Variants in GPHN observed in about 807,000 individuals in gnomAD.
GPHN encodes the protein gephyrin.
In GPHN, 17 loss-of-function variants were observed where a neutral mutation model predicts 95.5. The ratio of observed to expected loss-of-function variants is 0.18; its 90% CI spans 0.12 to 0.27. The LOEUF (loss-of-function observed/expected upper bound fraction) is 0.27, where lower values mean the gene tolerates loss of function less well. Among genes scored for constraint, GPHN ranks in the 10% least tolerant of loss-of-function variants. The pLI is 1.00. For missense variants in GPHN, 660 were observed against 978.1 expected (o/e 0.67, Z 4.34); for synonymous variants, 320 against 322.5 (o/e 0.99, Z 0.08).
chr14:66,575,002 A>G lies in GPHN; in HGVS notation c.64+66411A>G, dbSNP rs187190928. ...AGGATTTTTCAGCCTCCATAATTAC[A>G]TGAGCCAATTGCCTTAATAAATCTC... On this transcript the variant is annotated intron_variant, in intron 1 of 22. Coordinates refer to ENST00000478722, the MANE Select transcript of GPHN (RefSeq NM_020806.5). Among the ~76,000 whole-genome samples, 24 of 152,304 alleles carry G rather than the reference A, an allele frequency of 1.6e-4. No homozygotes were observed. In the East Asian group the frequency reaches 3.1e-3, roughly 20 times the overall value.
At chr14:67,643,593 G>A in the GPHN span, among the ~76,000 whole-genome samples, 1 of 152,218 alleles carries the variant, frequency 6.6e-6, no homozygotes, top group Non-Finnish European at 1.5e-5. Flanking sequence ...GGAGGCCAAG[G>A]TGGGAGGATT....
the GPHN span, chr14:67,589,526 T>G: frequency 1.0e-6 from 1 of 985,080 alleles, no homozygotes; most frequent in Admixed American, 6.2e-5. Flanking sequence ...CAGCTATCTG[T>G]GAACCAGGTA....
At chr14:66,996,385 T>G (rs1201904510) in intron 9 of GPHN, among the ~76,000 whole-genome samples, 1 of 152,170 alleles carries the variant, frequency 6.6e-6, no homozygotes, top group Non-Finnish European at 1.5e-5. Context: ...AGGGGGAAAT[T>G]TCTCTATTTT....
At chr14:66,649,498 C>T (rs1241170739) in intron 1 of GPHN, among the ~76,000 whole-genome samples, 1 of 152,132 alleles carries the variant, frequency 6.6e-6, no homozygotes, top group African/African-American at 2.4e-5. Flanking sequence ...CTCACATTAG[C>T]ACCTGAGCCC....
intron 1 of GPHN, among the ~76,000 whole-genome samples, chr14:66,530,103 C>T (rs559130401): frequency 6.6e-6 from 1 of 152,292 alleles, no homozygotes; most frequent in East Asian, 1.9e-4. Context: ...TATCTATAAG[C>T]CCCTGACTGG....
chr14:67,563,121 C>T, the GPHN span, among the ~76,000 whole-genome samples: 1 of 152,210 alleles, frequency 6.6e-6, no homozygotes, highest in African/African-American at 2.4e-5. Flanking sequence ...GAGTGCTCAC[C>T]GTGCACCATA....
chr14:66,527,574 T>C lies in GPHN; in HGVS notation c.64+18983T>C, dbSNP rs562707339. Among the ~76,000 whole-genome samples, 137 of 152,244 alleles carry C rather than the reference T, an allele frequency of 9.0e-4. 1 individual carries two copies. The highest frequency in any genetic ancestry group is 3.2e-3 in the African/African-American group (133 of 41,572). On this transcript the variant is annotated intron_variant, in intron 1 of 22. Coordinates refer to ENST00000478722, the MANE Select transcript of GPHN (RefSeq NM_020806.5). Reference sequence around the variant, plus strand: ...TTGTGATGTTAGGGTATCGATTTTATATCTTTCCTGCTTTCTCTTGTGGGC... The same window carrying C: ...TTGTGATGTTAGGGTATCGATTTTACATCTTTCCTGCTTTCTCTTGTGGGC...
At chr14:67,134,953 CTTTTTTTTTTTT>C (rs57933607) in intron 17 of GPHN, among the ~76,000 whole-genome samples, 2 of 45,252 alleles carry the variant, frequency 4.4e-5, no homozygotes, top group African/African-American at 1.0e-4. Context: ...TTTCTTTCTT[CTTTTTTTTTTTT>C]TTTTTTTTTT....
chr14:67,665,121 G>C, the GPHN span, among the ~76,000 whole-genome samples: 1 of 152,192 alleles, frequency 6.6e-6, no homozygotes, highest in African/African-American at 2.4e-5. Context: ...CCAAAGTGCT[G>C]GGATAACAGG....
chr14:66,969,268 A>G (rs554866892), intron 9 of GPHN: 1 of 152,182 alleles, frequency 6.6e-6, no homozygotes, highest in Admixed American at 6.5e-5. Flanking sequence ...CAAAGTTGGG[A>G]TATTTGACTT....
chr14:66,902,903 AT>A (rs552009637), intron 5 of GPHN, among the ~76,000 whole-genome samples: 1 of 151,818 alleles, frequency 6.6e-6, no homozygotes, highest in Non-Finnish European at 1.5e-5. Flanking sequence ...CTCCTCTTCA[AT>A]TTTTTTTAGA....
At chr14:67,596,578 T>C in the GPHN span, among the ~76,000 whole-genome samples, 7 of 152,200 alleles carry the variant, frequency 4.6e-5, no homozygotes, top group Non-Finnish European at 7.3e-5. Context: ...TGCCCTCCTT[T>C]ATCTACTTCT....
the GPHN span, chr14:67,384,820 G>A: frequency 6.6e-6 from 1 of 152,114 alleles, no homozygotes; most frequent in Non-Finnish European, 1.5e-5. Flanking sequence ...TTCCATATTG[G>A]GAATATGTAG....
At chr14:66,854,610 G>C (rs1232530458) in intron 4 of GPHN, among the ~76,000 whole-genome samples, 1 of 152,102 alleles carries the variant, frequency 6.6e-6, no homozygotes, top group African/African-American at 2.4e-5. Flanking sequence ...AAGGTGTTAT[G>C]CAAAGTCTCA....
At chr14:67,350,519 C>T in the GPHN span, 13 of 1,130,486 alleles carry the variant, frequency 1.1e-5, no homozygotes, top group African/African-American at 1.6e-5. Flanking sequence ...GTCCTTAACG[C>T]TTATTTCTAA....
At chr14:66,727,934 G>T (rs1348627276) in intron 2 of GPHN, among the ~76,000 whole-genome samples, 3 of 152,182 alleles carry the variant, frequency 2.0e-5, no homozygotes, top group Non-Finnish European at 4.4e-5. Context: ...CTTCGAGGCA[G>T]CCCCTTTCAT....
chr14:67,056,885 C>G (rs1202395624), intron 10 of GPHN, among the ~76,000 whole-genome samples: 3 of 152,170 alleles, frequency 2.0e-5, no homozygotes, highest in Non-Finnish European at 4.4e-5. Flanking sequence ...TGAGGCCCAG[C>G]GAGAATTCGA....
At chr14:67,722,823 G>A in the GPHN span, 1 of 947,578 alleles carries the variant, frequency 1.1e-6, no homozygotes, top group East Asian at 2.4e-5. Context: ...GAGAAAGTCA[G>A]GGCAGGAAAA....
At chr14:67,318,486 T>C in the GPHN span, among the ~76,000 whole-genome samples, 1 of 152,218 alleles carries the variant, frequency 6.6e-6, no homozygotes, top group Non-Finnish European at 1.5e-5. Flanking sequence ...TACTGTACTG[T>C]AGAAAACGTG....
Sources: allele counts gnomAD v4.1 joint callset (sites outside exome capture counted in the v4.1 genomes callset), GRCh38; gene constraint gnomAD v4.1.1; transcripts MANE v1.5; gene names NCBI Gene and HGNC (gene_info 2026-07-23, HGNC 2026-07-21).